Variants in MSH3 observed in about 807,000 individuals in gnomAD.
MSH3 encodes DNA mismatch repair protein Msh3.
A neutral mutation model predicts 123.3 loss-of-function variants in MSH3; 106 were observed. The ratio of observed to expected loss-of-function variants is 0.86; its 90% confidence interval spans 0.73 to 1.01. The LOEUF is 1.01. MSH3 is among the 50% of genes least tolerant of loss of function. The pLI is 0.00. For synonymous variants in MSH3, 515 were observed against 481.4 expected, an observed-to-expected ratio of 1.07 and a Z score of -0.91; for missense variants, 1,459 against 1,347.6, an observed-to-expected ratio of 1.08 and a Z score of -1.29.
chr5:80,805,952 T>TC (rs997830043), intron 19 of MSH3, among the ~76,000 whole-genome samples: 2 of 152,092 alleles, frequency 1.3e-5, no homozygotes, highest in Non-Finnish European at 2.9e-5. Flanking sequence ...TATCAGTCCT[T>TC]CTTTTTATGG....
At chr5:80,835,828 T>A (rs1409314532) in intron 20 of MSH3, among the ~76,000 whole-genome samples, 1 of 152,040 alleles carries the variant, frequency 6.6e-6, no homozygotes, top group East Asian at 1.9e-4. Context: ...GGCACGAGAA[T>A]TACTTGAACC....
intron 10 of MSH3, among the ~76,000 whole-genome samples, chr5:80,731,453 GTGCTC>G (rs1462689401): frequency 4.6e-5 from 7 of 151,886 alleles, no homozygotes; most frequent in Non-Finnish European, 8.8e-5. Flanking sequence ...AAGACATAAA[GTGCTC>G]TGCTTTGTAT....
intron 8 of MSH3, among the ~76,000 whole-genome samples, chr5:80,691,653 AAGAT>A (rs1199526001): frequency 2.0e-5 from 3 of 151,036 alleles, no homozygotes. Context: ...TGCTTTTAAA[AAGAT>A]AGATCAAAGG....
chr5:80,813,115 A>G (rs1449025081), intron 19 of MSH3, among the ~76,000 whole-genome samples: 2 of 152,224 alleles, frequency 1.3e-5, no homozygotes, highest in South Asian at 2.1e-4. Flanking sequence ...TGGTAAACCA[A>G]TGTCTAGAAT....
At chr5:80,673,878 G>A (rs1749774844) in intron 6 of MSH3, among the ~76,000 whole-genome samples, 1 of 152,110 alleles carries the variant, frequency 6.6e-6, no homozygotes, top group South Asian at 2.1e-4. Flanking sequence ...AATTACTATG[G>A]GGGTGGAATC....
At chr5:80,866,652 T>A (rs73137538) in intron 22 of MSH3, among the ~76,000 whole-genome samples, 12,798 of 152,210 alleles carry the variant, frequency 0.084, 568 homozygotes, top group South Asian at 0.13. Context: ...GATGGACCTC[T>A]CATTGTGTTA....
At chr5:80,818,422 AG>A (rs1174288549) in intron 20 of MSH3, among the ~76,000 whole-genome samples, 4 of 146,872 alleles carry the variant, frequency 2.7e-5, no homozygotes, top group African/African-American at 9.9e-5. Flanking sequence ...AAAAAAAAAA[AG>A]GTGGGGGAGA....
At chr5:80,743,870 C>T (rs78009094) in intron 11 of MSH3, among the ~76,000 whole-genome samples, 2 of 117,712 alleles carry the variant, frequency 1.7e-5, no homozygotes, top group Admixed American at 1.0e-4. Flanking sequence ...AAAAAAAAAC[C>T]CAACTCAAGT....
intron 20 of MSH3, among the ~76,000 whole-genome samples, chr5:80,837,438 G>T (rs1745535576): frequency 6.6e-6 from 1 of 152,100 alleles, no homozygotes; most frequent in African/African-American, 2.4e-5. Context: ...AATTAGCCAG[G>T]CATGGTGGTG....
intron 20 of MSH3, among the ~76,000 whole-genome samples, chr5:80,852,930 A>G (rs554352685): frequency 6.6e-6 from 1 of 152,358 alleles, no homozygotes; most frequent in East Asian, 1.9e-4. Context: ...TTGCTGAGAA[A>G]GTAGTTACCA....
At chr5:80,665,417 G>A in intron 3 of MSH3, 54 bp downstream of exon 3, 2 of 1,345,922 alleles carry the variant, frequency 1.5e-6, no homozygotes, top group Middle Eastern at 2.5e-4. Context: ...GGGTTCTGAA[G>A]TACTGTCAGG....
intron 13 of MSH3, among the ~76,000 whole-genome samples, chr5:80,767,643 A>G (rs2112884069): frequency 6.6e-6 from 1 of 152,184 alleles, no homozygotes; most frequent in South Asian, 2.1e-4. Context: ...CACATTTTTT[A>G]ACTTGTTTAA....
intron 20 of MSH3, among the ~76,000 whole-genome samples, chr5:80,815,792 T>C (rs183607544): frequency 8.5e-5 from 13 of 152,172 alleles, no homozygotes; most frequent in Admixed American, 7.2e-4. Flanking sequence ...AAACAGAAAA[T>C]AAGAAGGTAG....
intron 21 of MSH3, among the ~76,000 whole-genome samples, chr5:80,854,756 G>A (rs1745888434): frequency 6.6e-6 from 1 of 152,056 alleles, no homozygotes; most frequent in South Asian, 2.1e-4. Context: ...GTAGTTTTTT[G>A]ATATATGTTC....
chr5:80,757,510 C>T (rs1367944212), intron 12 of MSH3, among the ~76,000 whole-genome samples: 1 of 152,020 alleles, frequency 6.6e-6, no homozygotes, highest in Non-Finnish European at 1.5e-5. Context: ...GTGAAGGACT[C>T]CAGTGACACT....
chr5:80,668,165 T>C (rs1315233260), intron 3 of MSH3, among the ~76,000 whole-genome samples: 1 of 152,238 alleles, frequency 6.6e-6, no homozygotes, highest in African/African-American at 2.4e-5. Flanking sequence ...GCAGGCAGGT[T>C]GTCTGCTTGT....
chr5:80,701,755 C>T (rs560530095), intron 8 of MSH3, among the ~76,000 whole-genome samples: 3 of 152,134 alleles, frequency 2.0e-5, no homozygotes, highest in Non-Finnish European at 2.9e-5. Context: ...TTCTTCCTGT[C>T]GAACCTCCCT....
intron 17 of MSH3, among the ~76,000 whole-genome samples, chr5:80,783,544 C>T (rs1394161021): frequency 1.3e-5 from 2 of 152,076 alleles, no homozygotes. Context: ...AAAATAATTA[C>T]TTATCCCTTC....
intron 19 of MSH3, among the ~76,000 whole-genome samples, chr5:80,807,767 C>T (rs1354485354): frequency 6.6e-6 from 1 of 152,224 alleles, no homozygotes; most frequent in Non-Finnish European, 1.5e-5. Context: ...GGAACCAGCC[C>T]TGGACAGGAT....
Sources: allele counts gnomAD v4.1 joint callset (sites outside exome capture counted in the v4.1 genomes callset), GRCh38; gene constraint gnomAD v4.1.1; transcripts MANE v1.5; gene names NCBI Gene and HGNC (gene_info 2026-07-23, HGNC 2026-07-21).